The following AGAP1 variants were observed in gnomAD, a reference collection of about 807,000 sequenced individuals.
AGAP1 encodes ArfGAP with GTPase domain, ankyrin repeat and PH domain 1.
Under a neutral mutation model 105.3 loss-of-function variants are expected in AGAP1, and 29 were observed. That is an observed-to-expected ratio of 0.28 (90% CI 0.21 to 0.38). AGAP1 has a LOEUF of 0.38. Ranked by LOEUF, AGAP1 falls within the 10% of genes least tolerant of loss-of-function variation. AGAP1 has a pLI of 1.00. For synonymous variants in AGAP1, 509 were observed against 485.9 expected, an observed-to-expected ratio of 1.05 and a Z score of -0.63; for missense variants, 998 against 1,165.1, an observed-to-expected ratio of 0.86 and a Z score of 2.09.
rs567454497 is a variant in AGAP1, at chr2:235,962,316, C to T, written c.1484-6146C>T. Among the ~76,000 whole-genome samples the T allele has an allele frequency of 6.6e-6, 1 of 152,172 alleles. No homozygotes were observed. The highest frequency in any genetic ancestry group is 1.9e-4 in the East Asian group (1 of 5,148). The stretch of plus-strand genomic sequence containing the variant: ...AGCCCTGGCCCATGACGGTGCTGAG[C>T]AGGTGGAGGGCTGGAAGTCAGTGAA... On this transcript the variant is annotated intron_variant, in intron 12 of 17. Coordinates refer to ENST00000304032, the MANE Select transcript of AGAP1 (RefSeq NM_001037131.3). The surrounding 1 kb of genome is among the most constrained non-coding windows in gnomAD (Gnocchi z 5.3).
At chr2:236,041,313 C>T (rs528994738) in intron 15 of AGAP1, among the ~76,000 whole-genome samples, 1 of 151,156 alleles carries the variant, frequency 6.6e-6, no homozygotes, top group Admixed American at 6.6e-5. Flanking sequence ...TTCATTCCTG[C>T]CTAGAGATTC....
At position 236,002,421 on chromosome 2, in the gene AGAP1, G is replaced by A. The variant is rs996494019; in HGVS notation, c.1645+33798G>A. On this transcript the variant is annotated intron_variant, in intron 13 of 17. Transcript: ENST00000304032. The surrounding 1 kb of genome is among the most constrained non-coding windows in gnomAD (Gnocchi z 4.3). ...CTTCCAAGTATCTGATTGCACGCATGTGCACATGTGTGAGTAGGGGAGAGG... is the reference window on the plus strand; with the variant it reads ...CTTCCAAGTATCTGATTGCACGCATATGCACATGTGTGAGTAGGGGAGAGG... Among the ~76,000 whole-genome samples the A allele has an allele frequency of 6.6e-6, 1 of 152,200 alleles. No homozygotes were observed. The highest frequency in any genetic ancestry group is 2.4e-5 in the African/African-American group (1 of 41,452).
At chr2:235,682,797 CGTGT>C (rs71064869) in intron 1 of AGAP1, among the ~76,000 whole-genome samples, 55 of 149,568 alleles carry the variant, frequency 3.7e-4, no homozygotes, top group African/African-American at 7.4e-4. Flanking sequence ...TGTGTGCACA[CGTGT>C]GTGTGTGTGT....
Position 235,633,309 on chromosome 2 carries a change from G to A in AGAP1, c.164-75870G>A, listed in dbSNP as rs745577739. ...GTGGAATTGGACAAATAGGGCATGA[G>A]CGGGCCGGGCGTGGTGGCTCATGCC... On this transcript the variant is annotated intron_variant, in intron 1 of 17. Transcript: ENST00000304032. The surrounding 1 kb of genome is among the most constrained non-coding windows in gnomAD (Gnocchi z 4.8). Among the ~76,000 whole-genome samples, 16 of 152,064 alleles carry A rather than the reference G, an allele frequency of 1.1e-4. No homozygotes were observed. Among genetic ancestry groups the A allele is most frequent in the Non-Finnish European group, 2.2e-4 (15 of 68,000 alleles).
chr2:235,960,266 T>C lies in AGAP1; in HGVS notation c.1484-8196T>C, dbSNP rs1382932664. Among the ~76,000 whole-genome samples the C allele has an allele frequency of 6.6e-6, 1 of 152,234 alleles. No individual in the cohort carries two copies. The highest frequency in any genetic ancestry group is 1.9e-4 in the East Asian group (1 of 5,192). Reference sequence around the variant, plus strand: ...CCTGAGGACGACTGCAAGGAGCTCATGAATGCTGGCCTGGCTTTCTGTTTC... The same window carrying C: ...CCTGAGGACGACTGCAAGGAGCTCACGAATGCTGGCCTGGCTTTCTGTTTC... On this transcript the variant is annotated intron_variant, in intron 12 of 17. Coordinates refer to ENST00000304032, the MANE Select transcript of AGAP1 (RefSeq NM_001037131.3). This position sits in a 1 kb window ranked among gnomAD's most constrained non-coding sequence, Gnocchi z 4.9.
At chr2:236,112,064 C>T (rs2125939563) in intron 16 of AGAP1, among the ~76,000 whole-genome samples, 1 of 152,298 alleles carries the variant, frequency 6.6e-6, no homozygotes, top group East Asian at 1.9e-4. Context: ...GAGCCCGGTG[C>T]AGCCTGCATG....
intron 13 of AGAP1, among the ~76,000 whole-genome samples, chr2:235,990,330 G>T (rs867033632): frequency 6.6e-6 from 1 of 152,310 alleles, no homozygotes; most frequent in South Asian, 2.1e-4. Context: ...CTGCAAAGAC[G>T]CTTCCCTGCA....
At chr2:235,858,483 T>A (rs2048779464) in intron 9 of AGAP1, among the ~76,000 whole-genome samples, 1 of 152,206 alleles carries the variant, frequency 6.6e-6, no homozygotes, top group Admixed American at 6.5e-5. Context: ...TATATCCTGT[T>A]TGTACATGTT....
At position 235,633,436 on chromosome 2, in the gene AGAP1, A is replaced by T. The variant is rs968958070; in HGVS notation, c.164-75743A>T. Among the ~76,000 whole-genome samples, 2 of 152,150 alleles carry T rather than the reference A, an allele frequency of 1.3e-5. No homozygotes were observed. Among genetic ancestry groups the T allele is most frequent in the African/African-American group, 4.8e-5 (2 of 41,440 alleles). On this transcript the variant is annotated intron_variant, in intron 1 of 17. Coordinates refer to ENST00000304032, the MANE Select transcript of AGAP1 (RefSeq NM_001037131.3). The surrounding 1 kb of genome is among the most constrained non-coding windows in gnomAD (Gnocchi z 4.8). ...TGGTGAAACCCCATCTCTACTAAAA[A>T]TACAAAAATTAGCCAGGCATGGTGG...
intron 16 of AGAP1, among the ~76,000 whole-genome samples, chr2:236,103,488 G>T (rs2059409070): frequency 1.3e-5 from 2 of 151,094 alleles, no homozygotes; most frequent in Non-Finnish European, 3.0e-5. Context: ...TTGTTTGTTT[G>T]TCTTTCTTTT....
rs1473803980 is a variant in AGAP1 at position 235,752,218 on chromosome 2, C to A, written c.673+1730C>A. On this transcript the variant is annotated intron_variant, in intron 6 of 17. Transcript: ENST00000304032. This position sits in a 1 kb window ranked among gnomAD's most constrained non-coding sequence, Gnocchi z 4.3. ...TTTGGAGACAGAGTCTAGCTCTTTGCCCAGGCTGGAGTGCAATGGCGTGAT... is the reference window on the plus strand; with the variant it reads ...TTTGGAGACAGAGTCTAGCTCTTTGACCAGGCTGGAGTGCAATGGCGTGAT... 6.6e-6 allele frequency among the ~76,000 whole-genome samples: 1 copy of A among 152,170 alleles called. No individual in the cohort carries two copies. Among genetic ancestry groups the A allele is most frequent in the Non-Finnish European group, 1.5e-5 (1 of 68,040 alleles).
chr2:235,751,855 CAA>C lies in AGAP1; in HGVS notation c.673+1369_673+1370del, dbSNP rs1953468763. Among the ~76,000 whole-genome samples the C allele has an allele frequency of 6.6e-6, 1 of 152,224 alleles. No homozygotes were observed. ...GCGCAGGGTCCCCTGAGGATCAGCA[CAA>C]AGTCGCTGGGGTCCCACAGCCCCTT... On this transcript the variant is annotated intron_variant, in intron 6 of 17. Coordinates refer to ENST00000304032, the MANE Select transcript of AGAP1 (RefSeq NM_001037131.3). This position sits in a 1 kb window ranked among gnomAD's most constrained non-coding sequence, Gnocchi z 5.3.
chr2:235,643,736 C>T (rs945015243), intron 1 of AGAP1, among the ~76,000 whole-genome samples: 3 of 152,030 alleles, frequency 2.0e-5, no homozygotes, highest in African/African-American at 7.2e-5. Context: ...CCCTGTTTCT[C>T]TTCCCTTGAA....
intron 6 of AGAP1, among the ~76,000 whole-genome samples, chr2:235,778,393 T>C (rs1956042661): frequency 1.3e-5 from 2 of 152,206 alleles, no homozygotes; most frequent in Non-Finnish European, 1.5e-5. Flanking sequence ...CTCTTTAGTG[T>C]CTTTCTCAGA....
At chr2:235,765,776 G>C (rs1164973668) in intron 6 of AGAP1, among the ~76,000 whole-genome samples, 1 of 152,162 alleles carries the variant, frequency 6.6e-6, no homozygotes, top group Non-Finnish European at 1.5e-5. Context: ...TCAACGTTGT[G>C]AGTAAACCGT....
At chr2:235,840,746 G>C (rs998420987) in intron 9 of AGAP1, among the ~76,000 whole-genome samples, 1 of 148,356 alleles carries the variant, frequency 6.7e-6, no homozygotes, top group African/African-American at 2.5e-5. Context: ...GATTCGATGT[G>C]GAGGATGAAG....
chr2:235,745,496 G>C (rs1952857896), intron 5 of AGAP1, among the ~76,000 whole-genome samples: 1 of 152,178 alleles, frequency 6.6e-6, no homozygotes, highest in South Asian at 2.1e-4. Flanking sequence ...TCTGCCACTA[G>C]GGTCTAAGAT....
At chr2:236,019,707 T>A (rs888944891) in intron 13 of AGAP1, among the ~76,000 whole-genome samples, 3 of 152,202 alleles carry the variant, frequency 2.0e-5, no homozygotes, top group Non-Finnish European at 4.4e-5. Context: ...AGGATTCTTT[T>A]GGGACCAGTA....
At chr2:235,738,922 A>G (rs560693379) in intron 3 of AGAP1, among the ~76,000 whole-genome samples, 98 of 152,312 alleles carry the variant, frequency 6.4e-4, no homozygotes, top group African/African-American at 1.8e-3. Flanking sequence ...GCAGGTTTCC[A>G]GCATCTCTTT....
Sources: allele counts gnomAD v4.1 joint callset (sites outside exome capture counted in the v4.1 genomes callset), GRCh38; gene constraint gnomAD v4.1.1; non-coding constraint Gnocchi (gnomAD v3.1); transcripts MANE v1.5; gene names NCBI Gene and HGNC (gene_info 2026-07-23, HGNC 2026-07-21).